PAK6: variants seen among roughly 807,000 people sequenced by gnomAD.
PAK6 encodes p21 (RAC1) activated kinase 6.
In PAK6, 33 loss-of-function variants were observed where a neutral mutation model predicts 60.8. The observed-to-expected ratio is 0.54, with a 90% CI of 0.41 to 0.73. The LOEUF (loss-of-function observed/expected upper bound fraction) is 0.73. Among genes scored for constraint, PAK6 ranks in the 30% least tolerant of loss-of-function variants. The pLI is 0.00. For missense variants in PAK6, 845 were observed against 904.1 expected (o/e 0.93, Z 0.84); for synonymous variants, 404 against 378.5 (o/e 1.07, Z -0.78).
chr15:40,270,428 G>A (rs572252981), intron 5 of PAK6, among the ~76,000 whole-genome samples: 38 of 152,318 alleles, frequency 2.5e-4, no homozygotes, highest in Middle Eastern at 3.4e-3. Context: ...GCTCTGAGGC[G>A]GGAAGTCTGC....
exon 7 of PAK6, chr15:40,272,973 C>G: frequency 1.2e-6 from 2 of 1,613,894 alleles, no homozygotes; most frequent in Admixed American, 1.7e-5. Context: ...AGGGAGGAGC[C>G]CTCACAGACA....
chr15:40,240,643 G>C (rs1297321529), exon 2 of PAK6: 1 of 450,146 alleles, frequency 2.2e-6, no homozygotes, highest in Non-Finnish European at 4.4e-6. Flanking sequence ...GCCTGCAGTG[G>C]AGAACGCAGG....
At chr15:40,265,763 C>T in intron 4 of PAK6, 79 bp from the exon 5 acceptor site, 2 of 1,347,040 alleles carry the variant, frequency 1.5e-6, no homozygotes, top group East Asian at 2.5e-5. Flanking sequence ...CAGGGACATT[C>T]TCTGACCCTG....
At chr15:40,240,562 C>CTTTTGTTTTTTTTTTTTTT in intron 1 of PAK6, 37 bp from the exon 2 acceptor site, 1 of 320,512 alleles carries the variant, frequency 3.1e-6, no homozygotes, top group Non-Finnish European at 5.7e-6. Flanking sequence ...TTTTCTTTTC[C>CTTTTGTTTTTTTTTTTTTT]TTTTTTTTTT....
At chr15:40,253,280 G>A in exon 3 of PAK6, 1 of 455,794 alleles carries the variant, frequency 2.2e-6, no homozygotes, top group South Asian at 1.5e-5. Flanking sequence ...GAGGCGGAAG[G>A]CGCCGGAAGG....
intron 1 of PAK6, among the ~76,000 whole-genome samples, chr15:40,240,327 G>A (rs2038286449): frequency 6.6e-6 from 1 of 152,202 alleles, no homozygotes; most frequent in African/African-American, 2.4e-5. Context: ...GCTTCCCCAT[G>A]ATCAGGACCC....
intron 3 of PAK6, among the ~76,000 whole-genome samples, chr15:40,264,219 G>A (rs936217): frequency 0.13 from 19,525 of 151,130 alleles, 1,677 homozygotes; most frequent in African/African-American, 0.24. Flanking sequence ...AAGCTGAGTT[G>A]TAATAAAAAA....
intron 2 of PAK6, chr15:40,250,985 G>A (rs546704289): frequency 6.6e-6 from 1 of 152,612 alleles, no homozygotes; most frequent in African/African-American, 2.4e-5. Context: ...GAGCCATTCT[G>A]GTATCACCTG....
intron 2 of PAK6, chr15:40,252,775 C>T (rs772316143): frequency 3.1e-5 from 40 of 1,301,098 alleles, no homozygotes; most frequent in East Asian, 5.5e-5. Flanking sequence ...GTGCCCATGC[C>T]CCGAAGTTCG....
rs376250193 is a variant in PAK6, at chr15:40,264,863, C to T, written c.78C>T (p.Phe26=). ...TCCAGCACCGTGTCCACACCTCCTT[C>T]GACCCCAAAGAAGGCAAGTTTGTGG... The change falls in exon 4 of 11, where the codon TTC becomes TTT. Residue 26 remains phenylalanine (F), a synonymous_variant. Transcript: ENST00000560346. 26 of 1,613,900 alleles carry T rather than the reference C, an allele frequency of 1.6e-5. No individual in the cohort carries two copies. The African/African-American group carries it at 2.1e-4, about 13-fold the overall frequency.
chr15:40,246,894 C>T (rs2038510002), intron 2 of PAK6: 1 of 152,338 alleles, frequency 6.6e-6, no homozygotes, highest in African/African-American at 2.4e-5. Flanking sequence ...GTTAGTGTTC[C>T]CAGGGGGCTG....
chr15:40,275,403 A>G (rs963023291), intron 10 of PAK6, among the ~76,000 whole-genome samples: 1 of 147,686 alleles, frequency 6.8e-6, no homozygotes, highest in Non-Finnish European at 1.5e-5. Context: ...CTCCTGCCTC[A>G]GCCTCCTGAG....
chr15:40,270,447 T>C (rs2039269397), intron 5 of PAK6, among the ~76,000 whole-genome samples: 1 of 152,148 alleles, frequency 6.6e-6, no homozygotes, highest in African/African-American at 2.4e-5. Flanking sequence ...GCGGTTTCTC[T>C]AGCTCCCCAG....
Position 40,243,469 on chromosome 15 carries a change from A to T in PAK6, c.-118+2788A>T, listed in dbSNP as rs183915769. On this transcript the variant is annotated intron_variant, in intron 2 of 10. Coordinates refer to ENST00000560346, the Ensembl canonical transcript of PAK6. Reference sequence around the variant, plus strand: ...AGGGTTGTTGAGAGGATTAAATAAGATAATAAGTGAATGCTCTGAATGGCA... The same window carrying T: ...AGGGTTGTTGAGAGGATTAAATAAGTTAATAAGTGAATGCTCTGAATGGCA... Among the ~76,000 whole-genome samples the T allele has an allele frequency of 1.8e-4, 27 of 152,334 alleles. No individual in the cohort carries two copies. The East Asian group carries it at 3.3e-3, about 19-fold the overall frequency.
At chr15:40,243,288 G>A (rs543711196) in intron 2 of PAK6, among the ~76,000 whole-genome samples, 10 of 152,300 alleles carry the variant, frequency 6.6e-5, no homozygotes, top group Middle Eastern at 3.4e-3. Flanking sequence ...GACCAGGGCG[G>A]GAAGAGGCAG....
intron 3 of PAK6, 156 bp from the exon 4 acceptor site, chr15:40,264,615 GCCAGCCATTT>G (rs1357521460): frequency 1.5e-6 from 1 of 649,796 alleles, no homozygotes; most frequent in Non-Finnish European, 2.7e-6. Flanking sequence ...TCTGCTGGGA[GCCAGCCATTT>G]CCCTGAGGAA....
intron 10 of PAK6, among the ~76,000 whole-genome samples, chr15:40,275,280 G>GGTTTTTT (rs1555389200): frequency 3.5e-5 from 2 of 56,486 alleles, no homozygotes; most frequent in South Asian, 6.8e-4. Flanking sequence ...GTTGTTGTTG[G>GGTTTTTT]TTTTTTTTTT....
intron 2 of PAK6, among the ~76,000 whole-genome samples, chr15:40,244,482 C>T (rs933348145): frequency 1.3e-5 from 2 of 151,348 alleles, no homozygotes; most frequent in African/African-American, 4.9e-5. Context: ...TCTGCAACCT[C>T]CGCCTCCCTG....
exon 5 of PAK6, chr15:40,265,905 CAGA>C: frequency 1.3e-6 from 2 of 1,590,754 alleles, no homozygotes; most frequent in Non-Finnish European, 8.6e-7. Context: ...CAACGACATC[CAGA>C]AGTTGTCAGT....
Sources: gnomAD v4.1 joint callset for allele counts (sites outside exome capture counted in the v4.1 genomes callset) on GRCh38, gnomAD v4.1.1 for gene constraint, MANE v1.5 for transcripts, NCBI Gene and HGNC (gene_info 2026-07-23, HGNC 2026-07-21) for gene names.